ADCY1: variants seen among roughly 807,000 people sequenced by gnomAD.
ADCY1 encodes the protein adenylate cyclase 1.
Under a neutral mutation model 105.4 loss-of-function variants are expected in ADCY1, and 28 were observed. The observed-to-expected ratio is 0.27, with a 90% CI of 0.20 to 0.36. The LOEUF (loss-of-function observed/expected upper bound fraction) is 0.36, where lower values mean the gene tolerates loss of function less well. ADCY1 is among the 10% of genes least tolerant of loss of function. The probability of loss-of-function intolerance (pLI) is 1.00; values close to 1 mark genes in which losing one functional copy is unlikely to be tolerated. For synonymous variants in ADCY1, 655 were observed against 623.8 expected (o/e 1.05, Z -0.75); for missense variants, 977 against 1,434.2 (o/e 0.68, Z 5.15).
chr7:45,710,147 C>T lies in ADCY1; in HGVS notation c.2933-381C>T, dbSNP rs1467956598. Among the ~76,000 whole-genome samples, 2 of 152,154 alleles carry T rather than the reference C, an allele frequency of 1.3e-5. No homozygotes were observed. Among genetic ancestry groups the T allele is most frequent in the African/African-American group, 4.8e-5 (2 of 41,450 alleles). ...AGAGAGGATGCACTTGGAGACATACCCTGTAATCACAGATATTGAAAGGCC... is the reference window on the plus strand; with the variant it reads ...AGAGAGGATGCACTTGGAGACATACTCTGTAATCACAGATATTGAAAGGCC... On this transcript the variant is annotated intron_variant, in intron 18 of 19. Transcript: ENST00000297323. This position sits in a 1 kb window ranked among gnomAD's most constrained non-coding sequence, Gnocchi z 4.7.
At position 45,703,538 on chromosome 7, in the gene ADCY1, C is replaced by T. The variant is rs1025588882; in HGVS notation, c.2571+46C>T. On this transcript the variant is annotated intron_variant, in intron 15 of 19. Transcript: ENST00000297323. This position sits in a 1 kb window ranked among gnomAD's most constrained non-coding sequence, Gnocchi z 5.9. The stretch of plus-strand genomic sequence containing the variant: ...TGGCCAGCACTAGCCCTACACTGCT[C>T]TGGCCACCCCACTTGGCGCTCACCT... 1 of 1,613,068 alleles carries T rather than the reference C, an allele frequency of 6.2e-7. No homozygotes were observed. The highest frequency in any genetic ancestry group is 8.5e-7 in the Non-Finnish European group (1 of 1,179,220).
chr7:45,630,860 A>G (rs368335364), intron 4 of ADCY1, among the ~76,000 whole-genome samples: 2 of 152,212 alleles, frequency 1.3e-5, no homozygotes, highest in East Asian at 3.9e-4. Flanking sequence ...TTGCATTTAC[A>G]GATTCCAGAA....
intron 4 of ADCY1, among the ~76,000 whole-genome samples, chr7:45,624,586 T>C (rs905914865): frequency 1.3e-5 from 2 of 152,168 alleles, no homozygotes; most frequent in African/African-American, 4.8e-5. Context: ...TCACACCCCA[T>C]TGATAGCCTG....
At position 45,712,994 on chromosome 7, in the gene ADCY1, C is replaced by T. The variant is rs141563275; in HGVS notation, c.3058-699C>T. Among the ~76,000 whole-genome samples, 595 of 152,308 alleles carry T rather than the reference C, an allele frequency of 3.9e-3. 1 individual carries two copies. Among genetic ancestry groups the T allele is most frequent in the Non-Finnish European group, 4.6e-3 (316 of 68,018 alleles). On this transcript the variant is annotated intron_variant, in intron 19 of 19. Coordinates refer to ENST00000297323, the MANE Select transcript of ADCY1 (RefSeq NM_021116.4). ...CCCTGACTCAGGGTTGCAGAGGCAG[C>T]TATGCCGGGGTCCTGTGAACTGGCT...
intron 14 of ADCY1, among the ~76,000 whole-genome samples, chr7:45,698,343 A>C (rs1269600692): frequency 6.6e-6 from 1 of 152,272 alleles, no homozygotes; most frequent in Non-Finnish European, 1.5e-5. Context: ...GTTCAAATTT[A>C]AAATTAAGAT....
chr7:45,600,548 G>T (rs1793201833), intron 2 of ADCY1, among the ~76,000 whole-genome samples: 2 of 152,244 alleles, frequency 1.3e-5, no homozygotes, highest in African/African-American at 4.8e-5. Context: ...CCTGGAAAAT[G>T]GTGGCTTAAA....
intron 8 of ADCY1, among the ~76,000 whole-genome samples, chr7:45,676,877 G>A (rs1442290851): frequency 6.6e-6 from 1 of 151,232 alleles, no homozygotes; most frequent in Non-Finnish European, 1.5e-5. Context: ...CTACAATAGG[G>A]TGGTTATTGT....
chr7:45,654,342 C>G (rs1007784696), intron 5 of ADCY1, among the ~76,000 whole-genome samples: 1 of 152,240 alleles, frequency 6.6e-6, no homozygotes, highest in African/African-American at 2.4e-5. Context: ...GCTAAATAGA[C>G]TCAATCCAGA....
At chr7:45,613,864 T>C (rs1442274098) in intron 3 of ADCY1, among the ~76,000 whole-genome samples, 1 of 152,198 alleles carries the variant, frequency 6.6e-6, no homozygotes, top group Admixed American at 6.5e-5. Context: ...TGGGATGATA[T>C]GTTTAAAGTG....
At chr7:45,605,219 T>C (rs1770913753) in intron 2 of ADCY1, among the ~76,000 whole-genome samples, 1 of 152,100 alleles carries the variant, frequency 6.6e-6, no homozygotes, top group Non-Finnish European at 1.5e-5. Context: ...GTCTTTTTGG[T>C]ACAATTTTCT....
At chr7:45,661,938 C>T (rs1584314444) in intron 7 of ADCY1, 121 bp from the exon 8 acceptor site, 1 of 1,251,204 alleles carries the variant, frequency 8.0e-7, no homozygotes, top group East Asian at 2.4e-5. Flanking sequence ...GAAGTAGGCG[C>T]TGAGCAAATG....
rs557155208 is a variant in ADCY1 at position 45,600,116 on chromosome 7, G to A, written c.789+7208G>A. Among the ~76,000 whole-genome samples the A allele has an allele frequency of 1.4e-4, 21 of 152,314 alleles. No individual in the cohort carries two copies. In the South Asian group the frequency reaches 4.3e-3, roughly 32 times the overall value. On this transcript the variant is annotated intron_variant, in intron 2 of 19. Transcript: ENST00000297323. The stretch of plus-strand genomic sequence containing the variant: ...GAGGAAAGGTCCCTGAGCCCACCAG[G>A]GCCCACCTCTGTGCTGGTGAGGACA...
At position 45,574,615 on chromosome 7, in the gene ADCY1, G is replaced by A. The variant is rs1792267753; in HGVS notation, c.72G>A (p.Ala24=). The A allele has an allele frequency of 8.6e-7, 1 of 1,163,468 alleles. No homozygotes were observed. Among genetic ancestry groups the A allele is most frequent in the Non-Finnish European group, 1.1e-6 (1 of 945,004 alleles). The allele number at this position is 1,163,468 out of a possible 1,614,324, so 72.1% of individuals were successfully genotyped here. Residue 24 remains alanine (A), a synonymous_variant, in exon 1 of 20, where the codon GCG becomes GCA. Transcript: ENST00000297323. This position sits in a 1 kb window ranked among gnomAD's most constrained non-coding sequence, Gnocchi z 7.0. ...GAGEPGGAER[A]AGTSRRRGLR... ...GCGAGCCCGGGGGCGCCGAGCGGGC[G>A]GCCGGGACAAGCCGCCGGCGCGGGC... is the stretch of plus-strand genomic sequence containing the variant.
chr7:45,681,751 G>A (rs1784559423), intron 11 of ADCY1, among the ~76,000 whole-genome samples: 1 of 152,224 alleles, frequency 6.6e-6, no homozygotes, highest in South Asian at 2.1e-4. Flanking sequence ...GGGAATGGAG[G>A]TGAGGGAGGT....
intron 2 of ADCY1, among the ~76,000 whole-genome samples, chr7:45,594,304 G>A (rs1392394993): frequency 6.6e-6 from 1 of 152,192 alleles, no homozygotes; most frequent in African/African-American, 2.4e-5. Context: ...TGAACCCTGA[G>A]CATTTTCTCT....
rs756793485 is a variant in ADCY1 at position 45,704,634 on chromosome 7, C to A, written c.2817+18C>A. On this transcript the variant is annotated intron_variant, in intron 17 of 19. Coordinates refer to ENST00000297323, the MANE Select transcript of ADCY1 (RefSeq NM_021116.4). Reference sequence around the variant, plus strand: ...GGACCAAGGTGAGTGCAGCCTGGCGCTGCCTGCTTGGGGACTGGGTCCAAG... The same window carrying A: ...GGACCAAGGTGAGTGCAGCCTGGCGATGCCTGCTTGGGGACTGGGTCCAAG... 4.1e-5 allele frequency: 66 copies of A among 1,608,204 alleles called. No individual in the cohort carries two copies. In the East Asian group the frequency reaches 1.4e-3, roughly 35 times the overall value.
At chr7:45,672,731 AT>A (rs1202100058) in intron 8 of ADCY1, among the ~76,000 whole-genome samples, 1 of 151,964 alleles carries the variant, frequency 6.6e-6, no homozygotes, top group Non-Finnish European at 1.5e-5. Flanking sequence ...GAGATTTTCC[AT>A]GTAGATCATC....
In ADCY1 at chr7:45,707,480, C is replaced by T. The variant is rs76414198; in HGVS notation, c.2818-870C>T. Among the ~76,000 whole-genome samples the T allele has an allele frequency of 1.1e-3, 167 of 152,102 alleles. 2 individuals carry two copies. In the East Asian group the frequency reaches 0.027, roughly 25 times the overall value. ...GTATGAAATTCTGGAAAAGGCAAAA[C>T]GGTAGAGACTGTAAAAGGATTAGTG... On this transcript the variant is annotated intron_variant, in intron 17 of 19. Coordinates refer to ENST00000297323, the MANE Select transcript of ADCY1 (RefSeq NM_021116.4).
chr7:45,645,255 C>T (rs1794628401), intron 4 of ADCY1, among the ~76,000 whole-genome samples: 1 of 152,124 alleles, frequency 6.6e-6, no homozygotes, highest in African/African-American at 2.4e-5. Context: ...CAGTGACGGT[C>T]ACACTTGAGG....
Sources: gnomAD v4.1 joint callset for allele counts (sites outside exome capture counted in the v4.1 genomes callset) on GRCh38, gnomAD v4.1.1 for gene constraint, Gnocchi (gnomAD v3.1) non-coding constraint, MANE v1.5 for transcripts, NCBI Gene and HGNC (gene_info 2026-07-23, HGNC 2026-07-21) for gene names.